Variants in SMURF2 observed in about 807,000 individuals in gnomAD.
SMURF2 encodes SMAD specific E3 ubiquitin protein ligase 2.
In SMURF2, 48 loss-of-function variants were observed where a neutral mutation model predicts 109.6. That is an observed-to-expected ratio of 0.44 (90% CI 0.35 to 0.56). The LOEUF is 0.56. SMURF2 is among the 20% of genes least tolerant of loss of function. The probability of loss-of-function intolerance (pLI) is 0.01; values close to 1 mark genes in which losing one functional copy is unlikely to be tolerated. For missense variants in SMURF2, 575 were observed against 909.0 expected (o/e 0.63, Z 4.72); for synonymous variants, 288 against 317.1 (o/e 0.91, Z 0.97).
intron 1 of SMURF2, among the ~76,000 whole-genome samples, chr17:64,657,868 TAC>T (rs2144741486): frequency 6.6e-6 from 1 of 152,134 alleles, no homozygotes; most frequent in East Asian, 1.9e-4. Flanking sequence ...ATGACTAAAA[TAC>T]ACAGACTTTA....
At chr17:64,568,710 A>G (rs1969351499) in intron 10 of SMURF2, among the ~76,000 whole-genome samples, 1 of 152,064 alleles carries the variant, frequency 6.6e-6, no homozygotes, top group Non-Finnish European at 1.5e-5. Flanking sequence ...ATGCCCTTTA[A>G]AAAAACCCAG....
At chr17:64,574,543 T>C (rs528729149) in intron 9 of SMURF2, among the ~76,000 whole-genome samples, 1 of 152,338 alleles carries the variant, frequency 6.6e-6, no homozygotes, top group African/African-American at 2.4e-5. Flanking sequence ...CGAATAGTGA[T>C]ATTGTAATAG....
intron 16 of SMURF2, among the ~76,000 whole-genome samples, chr17:64,550,225 C>G (rs1969021806): frequency 6.6e-6 from 1 of 152,170 alleles, no homozygotes; most frequent in Non-Finnish European, 1.5e-5. Flanking sequence ...GGTCTATTAA[C>G]AGATTTATTT....
intron 1 of SMURF2, among the ~76,000 whole-genome samples, chr17:64,613,043 T>C (rs1241515211): frequency 6.6e-6 from 1 of 152,212 alleles, no homozygotes; most frequent in African/African-American, 2.4e-5. Flanking sequence ...AACTCTGATT[T>C]GTAACTTTTA....
At chr17:64,657,375 C>A (rs1047340712) in intron 1 of SMURF2, among the ~76,000 whole-genome samples, 26 of 152,130 alleles carry the variant, frequency 1.7e-4, no homozygotes, top group African/African-American at 6.3e-4. Flanking sequence ...GGACATATTA[C>A]GTCTTTAAGA....
intron 12 of SMURF2, among the ~76,000 whole-genome samples, chr17:64,559,878 G>C (rs1426817326): frequency 6.6e-6 from 1 of 151,346 alleles, no homozygotes; most frequent in African/African-American, 2.4e-5. Flanking sequence ...CTCCCGAATA[G>C]CTGGGACTAC....
At position 64,571,855 on chromosome 17, in the gene SMURF2, T is replaced by C. The variant is rs1555685593; in HGVS notation, c.959A>G (p.Asn320Ser). Residue 320 changes from asparagine (N) to serine (S), a missense_variant, in exon 10 of 19, where the codon AAC (asparagine) becomes AGC (serine). Asn to Ser is a conservative substitution (Grantham distance 46). Coordinates refer to ENST00000262435, the MANE Select transcript of SMURF2 (RefSeq NM_022739.4). ...AGGATCTGTAAATTGTGTTGTTCTG[T>C]TGTTATGGTCAACGAAATAAACTCT... ...TGRVYFVDHN[N>S]RTTQFTDPRL... 1.9e-6 allele frequency: 3 copies of C among 1,613,752 alleles called. No homozygotes were observed. The highest frequency in any genetic ancestry group is 2.5e-6 in the Non-Finnish European group (3 of 1,179,888).
rs1555687059 is a variant in SMURF2, at chr17:64,586,154, T to C, written c.417A>G (p.Arg139=). Residue 139 remains arginine (R), a synonymous_variant, in exon 6 of 19, where the codon AGA becomes AGG. Transcript: ENST00000262435. ...RGQIVVSLQS[R]DRIGTGGQVV... ...CTTGTCCTCCTGTGCCTATTCGGTC[T>C]CTGGACTGAAGACTTACTATTAAAT... is the stretch of plus-strand genomic sequence containing the variant. 10 of 1,605,928 alleles carry C rather than the reference T, an allele frequency of 6.2e-6. No individual in the cohort carries two copies. In the South Asian group the frequency reaches 8.9e-5, roughly 14 times the overall value.
intron 1 of SMURF2, among the ~76,000 whole-genome samples, chr17:64,608,419 A>C (rs1349119809): frequency 1.3e-5 from 2 of 152,178 alleles, no homozygotes; most frequent in African/African-American, 4.8e-5. Context: ...GTTTTTAAAA[A>C]CATAAAAACT....
At chr17:64,634,896 A>G (rs1444686792) in intron 1 of SMURF2, among the ~76,000 whole-genome samples, 7 of 152,184 alleles carry the variant, frequency 4.6e-5, no homozygotes, top group Admixed American at 6.5e-5. Context: ...TTGGGTATTG[A>G]CAGCCAATAT....
chr17:64,648,073 A>AC, intron 1 of SMURF2, among the ~76,000 whole-genome samples: 1 of 147,820 alleles, frequency 6.8e-6, no homozygotes, highest in Admixed American at 6.8e-5. Context: ...AAAAAAAAAA[A>AC]AAAAAAAAAA....
intron 1 of SMURF2, among the ~76,000 whole-genome samples, 185 bp from the exon 2 acceptor site, chr17:64,606,825 A>G (rs56024419): frequency 0.01 from 1,573 of 152,288 alleles, 23 homozygotes; most frequent in African/African-American, 0.036. Flanking sequence ...GCAACTTTCA[A>G]TGATCACCAG....
chr17:64,632,612 G>A (rs1212651246), intron 1 of SMURF2, among the ~76,000 whole-genome samples: 8 of 152,210 alleles, frequency 5.3e-5, no homozygotes, highest in Non-Finnish European at 1.0e-4. Context: ...AGTTACAAAT[G>A]CTTCCTATAT....
intron 9 of SMURF2, 30 bp downstream of exon 9, chr17:64,578,462 G>A (rs1555686257): frequency 7.0e-7 from 1 of 1,423,408 alleles, no homozygotes; most frequent in Non-Finnish European, 9.9e-7. Context: ...CTCTTTGATG[G>A]TCTAAAGAGT....
At chr17:64,613,705 T>C (rs1275458378) in intron 1 of SMURF2, among the ~76,000 whole-genome samples, 1 of 133,468 alleles carries the variant, frequency 7.5e-6, no homozygotes, top group African/African-American at 2.9e-5. Flanking sequence ...TGTGTGTGTG[T>C]GTGTGTGTGT....
At chr17:64,594,423 C>T (rs527383131) in intron 3 of SMURF2, among the ~76,000 whole-genome samples, 1 of 152,218 alleles carries the variant, frequency 6.6e-6, no homozygotes, top group South Asian at 2.1e-4. Context: ...TACACTTGAG[C>T]CCCGGGATCC....
chr17:64,626,221 T>C (rs1300078638), intron 1 of SMURF2, among the ~76,000 whole-genome samples: 2 of 138,384 alleles, frequency 1.4e-5, no homozygotes, highest in Admixed American at 8.3e-5. Flanking sequence ...ATCATGCCAC[T>C]ACACTCCAGG....
intron 2 of SMURF2, among the ~76,000 whole-genome samples, chr17:64,598,796 G>T (rs574328119): frequency 6.6e-6 from 1 of 152,222 alleles, no homozygotes; most frequent in Admixed American, 6.5e-5. Flanking sequence ...CGAGGAATGG[G>T]GTCATGAATG....
chr17:64,607,996 C>CATAAATAAATAAATAAATAA (rs55747507), intron 1 of SMURF2, among the ~76,000 whole-genome samples: 51 of 135,698 alleles, frequency 3.8e-4, no homozygotes, highest in East Asian at 2.1e-3. Flanking sequence ...AAGACTCTGT[C>CATAAATAAATAAATAAATAA]ATAAATAAAT....
Sources: gnomAD v4.1 joint callset for allele counts (sites outside exome capture counted in the v4.1 genomes callset) on GRCh38, gnomAD v4.1.1 for gene constraint, MANE v1.5 for transcripts, NCBI Gene and HGNC (gene_info 2026-07-23, HGNC 2026-07-21) for gene names.